IFFO2: variants seen among roughly 807,000 people sequenced by gnomAD.
IFFO2 encodes the protein intermediate filament family orphan 2.
In IFFO2, 19 loss-of-function variants were observed where a neutral mutation model predicts 53.5. The ratio of observed to expected loss-of-function variants is 0.36; its 90% CI spans 0.25 to 0.52. The LOEUF is 0.52. IFFO2 is among the 20% of genes least tolerant of loss of function. IFFO2 has a pLI of 0.94. For missense variants in IFFO2, 570 were observed against 727.4 expected (o/e 0.78, Z 2.49); for synonymous variants, 303 against 313.6 (o/e 0.97, Z 0.36).
chr1:18,927,436 G>A (rs1003674798), intron 1 of IFFO2, among the ~76,000 whole-genome samples: 1 of 152,236 alleles, frequency 6.6e-6, no homozygotes, highest in South Asian at 2.1e-4. Flanking sequence ...CCTTCCCGGC[G>A]GGTGGAGGGC....
intron 5 of IFFO2, among the ~76,000 whole-genome samples, chr1:18,914,190 A>C (rs6678885): frequency 0.21 from 31,618 of 152,014 alleles, 3,532 homozygotes; most frequent in African/African-American, 0.26. Flanking sequence ...ACTGAACCCA[A>C]TTTAGCTCTA....
At chr1:18,952,863 A>G (rs933791732) in intron 1 of IFFO2, among the ~76,000 whole-genome samples, 6 of 152,240 alleles carry the variant, frequency 3.9e-5, no homozygotes, top group Non-Finnish European at 8.8e-5. Context: ...TTGTACCTCA[A>G]TGAAGTTGTT....
chr1:18,944,853 G>C (rs1192901955), intron 1 of IFFO2, among the ~76,000 whole-genome samples: 1 of 152,184 alleles, frequency 6.6e-6, no homozygotes, highest in African/African-American at 2.4e-5. Flanking sequence ...ATAAAGAGTA[G>C]AGATCAAAAC....
intron 5 of IFFO2, among the ~76,000 whole-genome samples, chr1:18,913,725 C>T (rs546866703): frequency 3.9e-5 from 6 of 152,340 alleles, no homozygotes; most frequent in African/African-American, 1.2e-4. Context: ...GCCCAGGGCC[C>T]CGCCTGGGGT....
chr1:18,947,349 G>A lies in IFFO2; in HGVS notation c.665+8319C>T, dbSNP rs955224629. On this transcript the variant is annotated intron_variant, in intron 1 of 8. Transcript: ENST00000455833. The surrounding 1 kb of genome is among the most constrained non-coding windows in gnomAD (Gnocchi z 5.0). ...CTGGCTGTGCCCTGAGGACACTCAG[G>A]GGCCGGGCAAGATAAATGGAGCATT... Among the ~76,000 whole-genome samples, 12 of 152,200 alleles carry A rather than the reference G, an allele frequency of 7.9e-5. No homozygotes were observed. Among genetic ancestry groups the A allele is most frequent in the African/African-American group, 2.4e-4 (10 of 41,446 alleles).
intron 1 of IFFO2, among the ~76,000 whole-genome samples, chr1:18,931,126 C>T (rs933983285): frequency 1.1e-4 from 17 of 152,076 alleles, no homozygotes; most frequent in African/African-American, 3.6e-4. Context: ...GAGCTAGGAT[C>T]GGGCCACTGC....
At chr1:18,948,583 G>A (rs11516518) in intron 1 of IFFO2, among the ~76,000 whole-genome samples, 50,966 of 152,242 alleles carry the variant, frequency 0.33, 10,188 homozygotes, top group South Asian at 0.48. Flanking sequence ...CCAAGCACCC[G>A]GTGCCCAGTG....
At chr1:18,950,652 T>C (rs1167379585) in intron 1 of IFFO2, among the ~76,000 whole-genome samples, 1 of 152,126 alleles carries the variant, frequency 6.6e-6, no homozygotes, top group African/African-American at 2.4e-5. Flanking sequence ...ATAACGAAAG[T>C]GTCAATGGGA....
Position 18,947,815 on chromosome 1 carries a change from C to T in IFFO2, c.665+7853G>A, listed in dbSNP as rs112730914. On this transcript the variant is annotated intron_variant, in intron 1 of 8. Coordinates refer to ENST00000455833, the MANE Select transcript of IFFO2 (RefSeq NM_001136265.2). The surrounding 1 kb of genome is among the most constrained non-coding windows in gnomAD (Gnocchi z 5.0). ...AAGTGACAGCAGGGAGTCTTCCCAGCGCAGCAGCCGCCTCCTATTCTGCCA... is the reference window on the plus strand; with the variant it reads ...AAGTGACAGCAGGGAGTCTTCCCAGTGCAGCAGCCGCCTCCTATTCTGCCA... Among the ~76,000 whole-genome samples, 1,918 of 152,346 alleles carry T rather than the reference C, an allele frequency of 0.013. 39 individuals are homozygous for T. Among genetic ancestry groups the T allele is most frequent in the African/African-American group, 0.043 (1,806 of 41,556 alleles).
At chr1:18,923,635 GGTAAA>G (rs1342468136) in intron 1 of IFFO2, among the ~76,000 whole-genome samples, 1 of 152,202 alleles carries the variant, frequency 6.6e-6, no homozygotes, top group African/African-American at 2.4e-5. Flanking sequence ...GGTTCAAAGA[GGTAAA>G]GTAACTTGTC....
intron 5 of IFFO2, among the ~76,000 whole-genome samples, chr1:18,914,308 G>A (rs889049144): frequency 6.6e-6 from 1 of 152,186 alleles, no homozygotes; most frequent in African/African-American, 2.4e-5. Flanking sequence ...CTTCCACTCT[G>A]ATCTGTCTCC....
chr1:18,930,469 G>A (rs1277268404), intron 1 of IFFO2, among the ~76,000 whole-genome samples: 1 of 152,198 alleles, frequency 6.6e-6, no homozygotes, highest in Non-Finnish European at 1.5e-5. Flanking sequence ...CAGGGTGGCA[G>A]AAGGAAAGAA....
At chr1:18,926,630 C>T (rs1451233752) in intron 1 of IFFO2, among the ~76,000 whole-genome samples, 1 of 152,140 alleles carries the variant, frequency 6.6e-6, no homozygotes, top group Non-Finnish European at 1.5e-5. Context: ...ACTGGAACCA[C>T]GTGAGGGACG....
chr1:18,945,142 G>A (rs1190655056), intron 1 of IFFO2, among the ~76,000 whole-genome samples: 1 of 152,070 alleles, frequency 6.6e-6, no homozygotes, highest in Non-Finnish European at 1.5e-5. Flanking sequence ...CAACCTAGGT[G>A]ATGTCACCTC....
intron 1 of IFFO2, among the ~76,000 whole-genome samples, chr1:18,937,751 C>T (rs769182888): frequency 2.6e-5 from 4 of 152,238 alleles, no homozygotes; most frequent in Admixed American, 6.5e-5. Context: ...AGGCTCCCAA[C>T]GGCCTGGCCC....
In IFFO2 at chr1:18,906,556, C is replaced by G. The variant is rs1311013212; in HGVS notation, c.*2005G>C. ...TCGAGGAAACGGAAAATCTTTTTAG[C>G]AGCTGAGGTCCAAGCCCAACTGGCT... On this transcript the variant is annotated 3_prime_UTR_variant, in exon 9 of 9. Transcript: ENST00000455833. 3 of 152,234 alleles carry G rather than the reference C, an allele frequency of 2.0e-5. No individual in the cohort carries two copies. Among genetic ancestry groups the G allele is most frequent in the Admixed American group, 2.0e-4 (3 of 15,288 alleles). 9.4% of individuals were successfully genotyped at this position (152,234 alleles called of 1,614,324 possible). A position where few individuals can be genotyped will look rare whatever the true frequency, so the allele number is the denominator to read the frequency against.
rs889194232 is a variant in IFFO2 at position 18,948,000 on chromosome 1, G to A, written c.665+7668C>T. On this transcript the variant is annotated intron_variant, in intron 1 of 8. Coordinates refer to ENST00000455833, the MANE Select transcript of IFFO2 (RefSeq NM_001136265.2). This position sits in a 1 kb window ranked among gnomAD's most constrained non-coding sequence, Gnocchi z 5.0. ...GGTCCAGAGACCCAGACGGACTCGT[G>A]GCGAGATCTGGGACAGAAGTCTTCA... Among the ~76,000 whole-genome samples the A allele has an allele frequency of 6.6e-6, 1 of 152,160 alleles. No homozygotes were observed.
rs1315882137 is a variant in IFFO2 at position 18,908,232 on chromosome 1, A to C, written c.*329T>G. 1 of 313,894 alleles carries C rather than the reference A, an allele frequency of 3.2e-6. No homozygotes were observed. The highest frequency in any genetic ancestry group is 6.3e-6 in the Non-Finnish European group (1 of 159,128). 19.4% of individuals were successfully genotyped at this position (313,894 alleles called of 1,614,324 possible). A position where few individuals can be genotyped will look rare whatever the true frequency, so the allele number is the denominator to read the frequency against. On this transcript the variant is annotated 3_prime_UTR_variant, in exon 9 of 9. Transcript: ENST00000455833. ...TGTATAAAAACACCTGCTAGGAATA[A>C]TTCTTTGGAGCTCAAAGTGGCTCAG...
At chr1:18,922,465 G>A (rs1365648914) in intron 1 of IFFO2, among the ~76,000 whole-genome samples, 5 of 152,174 alleles carry the variant, frequency 3.3e-5, no homozygotes, top group Admixed American at 1.3e-4. Context: ...TTACGTCACC[G>A]GCTTTTGGAA....
Sources: gnomAD v4.1 joint callset for allele counts (sites outside exome capture counted in the v4.1 genomes callset) on GRCh38, gnomAD v4.1.1 for gene constraint, Gnocchi (gnomAD v3.1) non-coding constraint, MANE v1.5 for transcripts, NCBI Gene and HGNC (gene_info 2026-07-23, HGNC 2026-07-21) for gene names.